Variants in SPHKAP observed in about 807,000 individuals in gnomAD.
SPHKAP encodes the protein SPHK1 interactor, AKAP domain containing, also known as A-kinase anchor protein SPHKAP.
SPHKAP carries 67 observed loss-of-function variants against 137.5 expected under a neutral mutation model. The ratio of observed to expected loss-of-function variants is 0.49; its 90% CI spans 0.40 to 0.60. SPHKAP has a LOEUF of 0.60. SPHKAP is among the 20% of genes least tolerant of loss of function. The pLI is 0.00. For synonymous variants in SPHKAP, 813 were observed against 785.3 expected, an observed-to-expected ratio of 1.04 and a Z score of -0.59; for missense variants, 2,097 against 2,069.3, an observed-to-expected ratio of 1.01 and a Z score of -0.26.
chr2:228,048,996 C>T (rs1421062919), intron 3 of SPHKAP, among the ~76,000 whole-genome samples: 1 of 152,124 alleles, frequency 6.6e-6, no homozygotes, highest in African/African-American at 2.4e-5. Context: ...CAACCTAGAC[C>T]GGGAAAGGGA....
In SPHKAP at chr2:228,164,641, A is replaced by AT. The variant is rs201227413; in HGVS notation, c.32+16925dup. Among the ~76,000 whole-genome samples the AT allele has an allele frequency of 8.3e-4, 127 of 152,344 alleles. 3 individuals are homozygous for AT. In the East Asian group the frequency reaches 0.021, roughly 25 times the overall value. On this transcript the variant is annotated intron_variant, in intron 1 of 11. Coordinates refer to ENST00000392056, the MANE Select transcript of SPHKAP (RefSeq NM_001142644.2). ...TGACATCACATTGTTTTTAGGAGGA[A>AT]TACCCAATGGTCCCCAAGGCTTAAC... is the stretch of plus-strand genomic sequence containing the variant.
intron 3 of SPHKAP, among the ~76,000 whole-genome samples, chr2:228,070,860 C>T (rs1696982720): frequency 6.6e-6 from 1 of 152,110 alleles, no homozygotes; most frequent in African/African-American, 2.4e-5. Context: ...TTATGACACC[C>T]TGATTTACAA....
chr2:228,035,200 A>C (rs2106247063), intron 3 of SPHKAP, among the ~76,000 whole-genome samples: 1 of 142,380 alleles, frequency 7.0e-6, no homozygotes, highest in African/African-American at 2.7e-5. Context: ...ATACAAAATC[A>C]ATGTACAAAA....
At chr2:228,067,831 T>C (rs73096665) in intron 3 of SPHKAP, among the ~76,000 whole-genome samples, 2,695 of 152,216 alleles carry the variant, frequency 0.018, 82 homozygotes, top group African/African-American at 0.061. Flanking sequence ...TGGGTCCCTA[T>C]CACGTATTCA....
intron 3 of SPHKAP, among the ~76,000 whole-genome samples, chr2:228,031,113 CTAGTCAAAGAA>C (rs1181857137): frequency 3.9e-5 from 6 of 152,330 alleles, no homozygotes; most frequent in African/African-American, 1.4e-4. Context: ...GTTCCCTTTC[CTAGTCAAAGAA>C]AGGGGTGACA....
intron 2 of SPHKAP, among the ~76,000 whole-genome samples, chr2:228,117,277 T>C (rs144256162): frequency 2.0e-5 from 3 of 152,270 alleles, no homozygotes; most frequent in Admixed American, 6.6e-5. Flanking sequence ...GACGGTGTGA[T>C]GTTAACTTTC....
At chr2:228,028,069 C>T in intron 3 of SPHKAP, 1 of 985,318 alleles carries the variant, frequency 1.0e-6, no homozygotes, top group Non-Finnish European at 1.2e-6. Flanking sequence ...ACAACAAATG[C>T]CCGCTTCCTT....
chr2:228,132,597 C>A, intron 1 of SPHKAP: 1 of 542,900 alleles, frequency 1.8e-6, no homozygotes, highest in Non-Finnish European at 2.3e-6. Context: ...GAGATAGCTC[C>A]TCAAATTCTC....
Position 227,981,593 on chromosome 2 carries a change from A to ATT in SPHKAP, c.*122_*123dup. ...TGTATGCAGTGGATCTGAGTAGCAG[A>ATT]TTTTTTTTTATAGTTCTGCTAATGT... On this transcript the variant is annotated 3_prime_UTR_variant, in exon 12 of 12. Coordinates refer to ENST00000392056, the MANE Select transcript of SPHKAP (RefSeq NM_001142644.2). 2 of 1,285,262 alleles carry ATT rather than the reference A, an allele frequency of 1.6e-6. No individual in the cohort carries two copies. The highest frequency in any genetic ancestry group is 1.1e-6 in the Non-Finnish European group (1 of 951,992). 79.6% of individuals were successfully genotyped at this position (1,285,262 alleles called of 1,614,324 possible).
intron 1 of SPHKAP, among the ~76,000 whole-genome samples, chr2:228,135,918 T>C (rs898516303): frequency 1.3e-5 from 2 of 152,190 alleles, no homozygotes; most frequent in African/African-American, 4.8e-5. Flanking sequence ...AAAATGTAGG[T>C]AGGCTTATGT....
intron 11 of SPHKAP, 33 bp from the exon 12 acceptor site, chr2:227,981,893 G>A: frequency 2.5e-6 from 4 of 1,593,316 alleles, no homozygotes; most frequent in Non-Finnish European, 3.4e-6. Context: ...GGCTCACAGA[G>A]CACAGAGGGT....
At chr2:228,080,146 G>T (rs1046243655) in intron 3 of SPHKAP, among the ~76,000 whole-genome samples, 2 of 151,742 alleles carry the variant, frequency 1.3e-5, no homozygotes, top group East Asian at 1.9e-4. Context: ...AAACTAAAAA[G>T]CTTCTGCACC....
intron 3 of SPHKAP, among the ~76,000 whole-genome samples, chr2:228,028,410 T>A (rs1292088681): frequency 6.6e-6 from 1 of 152,210 alleles, no homozygotes; most frequent in Non-Finnish European, 1.5e-5. Flanking sequence ...AATGTCTGAA[T>A]GGGTTAGTCT....
intron 3 of SPHKAP, among the ~76,000 whole-genome samples, chr2:228,033,089 G>A (rs908206890): frequency 2.6e-5 from 4 of 152,210 alleles, no homozygotes; most frequent in African/African-American, 9.6e-5. Context: ...CTGGCAAATT[G>A]GATAAAGAGT....
At chr2:228,131,635 C>G (rs752170275) in intron 2 of SPHKAP, 2 of 322,072 alleles carry the variant, frequency 6.2e-6, no homozygotes, top group Non-Finnish European at 8.9e-6. Context: ...GATTTAGTAA[C>G]TTAATATAAT....
chr2:228,168,992 C>T (rs767905657), intron 1 of SPHKAP, among the ~76,000 whole-genome samples: 1 of 152,200 alleles, frequency 6.6e-6, no homozygotes, highest in East Asian at 1.9e-4. Context: ...CCACAACATT[C>T]CCTTAAGGCA....
At chr2:228,135,274 C>CAAAAAAAAAA (rs11435994) in intron 1 of SPHKAP, among the ~76,000 whole-genome samples, 8 of 95,406 alleles carry the variant, frequency 8.4e-5, no homozygotes, top group Non-Finnish European at 1.4e-4. Context: ...AACTCTGTCT[C>CAAAAAAAAAA]AAAAAAAAAA....
At chr2:228,022,501 G>T (rs1230265387) in intron 5 of SPHKAP, among the ~76,000 whole-genome samples, 1 of 152,126 alleles carries the variant, frequency 6.6e-6, no homozygotes, top group South Asian at 2.1e-4. Flanking sequence ...AGGTTCTCAT[G>T]CTCCCATAAA....
chr2:228,006,319 C>T (rs1252593207), intron 7 of SPHKAP, among the ~76,000 whole-genome samples: 2 of 152,170 alleles, frequency 1.3e-5, no homozygotes, highest in Non-Finnish European at 2.9e-5. Context: ...CCCTTTCTTC[C>T]AGTTGATCGA....
Sources: allele counts gnomAD v4.1 joint callset (sites outside exome capture counted in the v4.1 genomes callset), GRCh38; gene constraint gnomAD v4.1.1; transcripts MANE v1.5; gene names NCBI Gene and HGNC (gene_info 2026-07-23, HGNC 2026-07-21).